CCDC33: variants seen among roughly 807,000 people sequenced by gnomAD.
The protein encoded by CCDC33 is coiled-coil domain containing 33, also known as coiled-coil domain-containing protein 33.
Under a neutral mutation model 91.9 loss-of-function variants are expected in CCDC33, and 94 were observed. That is an observed-to-expected ratio of 1.02 (90% confidence interval 0.87 to 1.21). The LOEUF (loss-of-function observed/expected upper bound fraction) is 1.21, where lower values mean the gene tolerates loss of function less well. Among genes scored for constraint, CCDC33 ranks in the 50% most tolerant of loss-of-function variants. The pLI is 0.00. For missense variants in CCDC33, 940 were observed against 935.5 expected, an observed-to-expected ratio of 1.00 and a Z score of -0.06; for synonymous variants, 396 against 374.5, an observed-to-expected ratio of 1.06 and a Z score of -0.66.
rs1229859203 is a variant in CCDC33, at chr15:74,262,613, G to GT, written c.319+41dup. 2.5e-6 allele frequency: 4 copies of GT among 1,590,508 alleles called. 1 individual carries two copies. The Admixed American group carries it at 7.0e-5, about 28-fold the overall frequency. On this transcript the variant is annotated intron_variant, in intron 3 of 18. Coordinates refer to ENST00000398814, the MANE Select transcript of CCDC33 (RefSeq NM_025055.5). ...GGCAGGGCCGGCATGTGCAGGCAGG[G>GT]TGTGAACACAGCCAAGGACTTAGAG...
chr15:74,333,147 C>A, intron 16 of CCDC33: 2 of 1,237,174 alleles, frequency 1.6e-6, no homozygotes, highest in Non-Finnish European at 2.3e-6. Flanking sequence ...GGACCCTACA[C>A]AGGCCTCTCA....
chr15:74,262,402 C>A (rs753402038), intron 2 of CCDC33, 38 bp from the exon 3 acceptor site: 12 of 1,611,104 alleles, frequency 7.4e-6, no homozygotes, highest in East Asian at 4.5e-5. Context: ...GCAGACAGAA[C>A]CCCTCCCTTT....
chr15:74,281,956 A>T, intron 10 of CCDC33, 107 bp downstream of exon 10: 1 of 931,518 alleles, frequency 1.1e-6, no homozygotes, highest in Non-Finnish European at 1.7e-6. Context: ...GGAGGATGGG[A>T]CTACTACTTT....
intron 1 of CCDC33, among the ~76,000 whole-genome samples, chr15:74,205,008 C>T (rs1278334503): frequency 1.3e-5 from 2 of 152,186 alleles, no homozygotes; most frequent in Non-Finnish European, 2.9e-5. Flanking sequence ...CTTCCCCAGG[C>T]TGGTTTGGCA....
At chr15:74,324,808 C>T in intron 11 of CCDC33, among the ~76,000 whole-genome samples, 1 of 151,056 alleles carries the variant, frequency 6.6e-6, no homozygotes, top group East Asian at 2.0e-4. Flanking sequence ...GCTCCCCCTC[C>T]TTCCCACTCC....
chr15:74,291,109 G>C (rs533903872), intron 10 of CCDC33, among the ~76,000 whole-genome samples: 76 of 152,298 alleles, frequency 5.0e-4, no homozygotes, highest in African/African-American at 1.8e-3. Context: ...ATTAACACTG[G>C]GGCCCTTCTT....
chr15:74,208,839 TCTTTC>T, intron 1 of CCDC33: 6 of 988,778 alleles, frequency 6.1e-6, no homozygotes, highest in Non-Finnish European at 7.2e-6. Flanking sequence ...CTTCCTTGTC[TCTTTC>T]CTTTCCTTTA....
chr15:74,280,082 C>G lies in CCDC33; in HGVS notation c.879C>G (p.Ser293=). ...EDTALVLEYY[S]STSMKGSQPW... is the part of the protein sequence containing the mutation. ...CAGCCCTGGTGCTGGAGTACTACTC[C>G]TCAACTTCAAGTACGTGACCCCTGG... The change falls in exon 8 of 19, where the codon TCC becomes TCG. Residue 293 remains serine, a synonymous_variant. Coordinates refer to ENST00000398814, the MANE Select transcript of CCDC33 (RefSeq NM_025055.5). 2 of 1,614,038 alleles carry G rather than the reference C, an allele frequency of 1.2e-6. No individual in the cohort carries two copies. Among genetic ancestry groups the G allele is most frequent in the African/African-American group, 2.7e-5 (2 of 75,032 alleles).
chr15:74,204,996 G>C (rs1202013506), intron 1 of CCDC33, among the ~76,000 whole-genome samples: 1 of 152,194 alleles, frequency 6.6e-6, no homozygotes, highest in Non-Finnish European at 1.5e-5. Context: ...GCCTAACTCT[G>C]CCTTCCCCAG....
intron 2 of CCDC33, among the ~76,000 whole-genome samples, chr15:74,252,492 T>A (rs939922413): frequency 4.6e-5 from 7 of 152,240 alleles, no homozygotes; most frequent in Admixed American, 4.6e-4. Flanking sequence ...CGAAGCTCAC[T>A]GCGAGCTCGG....
chr15:74,330,850 G>A (rs2142878091), intron 13 of CCDC33, 99 bp downstream of exon 13: 5 of 1,509,232 alleles, frequency 3.3e-6, no homozygotes, highest in South Asian at 1.2e-5. Context: ...GGCACAGAGG[G>A]AATGGAAGCA....
In CCDC33 at chr15:74,268,476, C is replaced by T. The variant is rs2076228449; in HGVS notation, c.546+18C>T. The T allele has an allele frequency of 7.2e-7, 1 of 1,396,458 alleles. No homozygotes were observed. Among genetic ancestry groups the T allele is most frequent in the South Asian group, 1.2e-5 (1 of 80,962 alleles). 86.5% of individuals were successfully genotyped at this position (1,396,458 alleles called of 1,614,324 possible). A position where few individuals can be genotyped will look rare whatever the true frequency, so the allele number is the denominator to read the frequency against. ...CTCTGGAGGTACCAGGGCTGGGGCCCTCTGGGGTGGTGGTGGGGGTGGGAA... is the reference window on the plus strand; with the variant it reads ...CTCTGGAGGTACCAGGGCTGGGGCCTTCTGGGGTGGTGGTGGGGGTGGGAA... On this transcript the variant is annotated intron_variant, in intron 5 of 18. Coordinates refer to ENST00000398814, the MANE Select transcript of CCDC33 (RefSeq NM_025055.5).
chr15:74,209,661 C>G, intron 2 of CCDC33: 1 of 563,832 alleles, frequency 1.8e-6, no homozygotes, highest in South Asian at 2.3e-5. Context: ...CCTGCAACCT[C>G]CAACGCTGCT....
At chr15:74,298,186 T>G (rs896535722) in intron 11 of CCDC33, among the ~76,000 whole-genome samples, 5 of 152,160 alleles carry the variant, frequency 3.3e-5, no homozygotes, top group South Asian at 4.1e-4. Flanking sequence ...ACCATGGATT[T>G]GTCTGTGGGA....
At chr15:74,309,875 C>T (rs1173661869) in intron 11 of CCDC33, among the ~76,000 whole-genome samples, 1 of 152,202 alleles carries the variant, frequency 6.6e-6, no homozygotes, top group East Asian at 1.9e-4. Context: ...GAAGCTAGCG[C>T]AGTGGCTCAC....
chr15:74,232,217 A>C (rs2074998719), upstream of CCDC33, among the ~76,000 whole-genome samples: 1 of 152,130 alleles, frequency 6.6e-6, no homozygotes, highest in Non-Finnish European at 1.5e-5. Context: ...GGCCATGGAG[A>C]GGGGCTCACA....
At chr15:74,329,492 A>G (rs1000106241) in intron 11 of CCDC33, among the ~76,000 whole-genome samples, 3 of 152,228 alleles carry the variant, frequency 2.0e-5, no homozygotes, top group African/African-American at 7.2e-5. Context: ...GAGGGAGGGC[A>G]CATAAAAAGC....
At chr15:74,247,650 A>G (rs1036763312) in intron 2 of CCDC33, among the ~76,000 whole-genome samples, 1 of 152,226 alleles carries the variant, frequency 6.6e-6, no homozygotes, top group Non-Finnish European at 1.5e-5. Flanking sequence ...TCATAGATGC[A>G]GAGAGTAGAA....
At chr15:74,336,321 C>T, downstream of CCDC33, 1 of 1,390,188 alleles carries the variant, frequency 7.2e-7, no homozygotes, top group Non-Finnish European at 9.5e-7. Context: ...AGAGAAGAGG[C>T]CTTCCAAAGC....
Sources: gnomAD v4.1 joint callset for allele counts (sites outside exome capture counted in the v4.1 genomes callset) on GRCh38, gnomAD v4.1.1 for gene constraint, MANE v1.5 for transcripts, NCBI Gene and HGNC (gene_info 2026-07-23, HGNC 2026-07-21) for gene names.